The following LANCL1 variants were observed in gnomAD, a reference collection of about 807,000 sequenced individuals.
LANCL1 encodes glutathione S-transferase LANCL1.
A neutral mutation model predicts 50.6 loss-of-function variants in LANCL1; 50 were observed. The observed-to-expected ratio is 0.99, with a 90% CI of 0.79 to 1.25. The LOEUF (loss-of-function observed/expected upper bound fraction) is 1.25. Among genes scored for constraint, LANCL1 ranks in the 50% most tolerant of loss-of-function variants. The probability of loss-of-function intolerance (pLI) is 0.00; values close to 1 mark genes in which losing one functional copy is unlikely to be tolerated. For synonymous variants in LANCL1, 188 were observed against 178.6 expected (o/e 1.05, Z -0.42); for missense variants, 532 against 480.7 (o/e 1.11, Z -1.00).
At chr2:210,458,130 T>G (rs570697330) in intron 3 of LANCL1, among the ~76,000 whole-genome samples, 4 of 152,332 alleles carry the variant, frequency 2.6e-5, no homozygotes, top group Admixed American at 2.6e-4. Flanking sequence ...GGAAGCTCTG[T>G]GCTGAGGGTG....
chr2:210,444,172 C>A (rs1299835463), intron 4 of LANCL1, among the ~76,000 whole-genome samples: 2 of 152,150 alleles, frequency 1.3e-5, no homozygotes, highest in Non-Finnish European at 2.9e-5. Context: ...CTGCCAGTCT[C>A]TGGAGACCAC....
intron 3 of LANCL1, among the ~76,000 whole-genome samples, chr2:210,456,151 G>A (rs893288598): frequency 1.3e-5 from 2 of 152,210 alleles, no homozygotes; most frequent in Non-Finnish European, 2.9e-5. Context: ...TCAAAGATGT[G>A]GAGTAGGAAG....
intron 3 of LANCL1, among the ~76,000 whole-genome samples, chr2:210,462,368 T>G (rs530942820): frequency 6.6e-6 from 1 of 152,318 alleles, no homozygotes; most frequent in East Asian, 1.9e-4. Flanking sequence ...AATGAACAAC[T>G]CAATGCTTAT....
intron 3 of LANCL1, among the ~76,000 whole-genome samples, chr2:210,469,404 C>G (rs1336505221): frequency 6.6e-6 from 1 of 152,134 alleles, no homozygotes; most frequent in Non-Finnish European, 1.5e-5. Context: ...TATCAAAACA[C>G]TGGAGGAGGC....
chr2:210,461,659 T>C (rs1404052695), intron 3 of LANCL1, among the ~76,000 whole-genome samples: 3 of 152,220 alleles, frequency 2.0e-5, no homozygotes, highest in Non-Finnish European at 4.4e-5. Context: ...AGGAAATACA[T>C]GCCAATTTTA....
In LANCL1 at chr2:210,436,280, G is replaced by C; in HGVS notation, c.986C>G (p.Ala329Gly). 6.2e-7 allele frequency: 1 copy of C among 1,613,982 alleles called. No individual in the cohort carries two copies. Among genetic ancestry groups the C allele is most frequent in the Non-Finnish European group, 8.5e-7 (1 of 1,179,952 alleles). The change falls in exon 8 of 10, where the codon GCC becomes GGC. Residue 329 changes from alanine to glycine, a missense_variant. Physicochemically the swap from Ala to Gly is moderately conservative, Grantham distance 60. Coordinates refer to ENST00000450366, the MANE Select transcript of LANCL1 (RefSeq NM_006055.3). ...GTTGTAGAGTGTCAGGAAGGCATAG[G>C]CATTCCCTGCAGAACCGTGGCACAG... ...YGLCHGSAGN[A>G]YAFLTLYNLT...
intron 8 of LANCL1, among the ~76,000 whole-genome samples, chr2:210,435,893 CTTTTTTTTTTTT>C (rs71043994): frequency 3.1e-5 from 2 of 64,264 alleles, no homozygotes; most frequent in Non-Finnish European, 5.3e-5. Context: ...GGGAGACCTG[CTTTTTTTTTTTT>C]TTTTTTTTTT....
chr2:210,444,934 T>TA (rs1230542395), intron 4 of LANCL1, among the ~76,000 whole-genome samples: 1 of 152,104 alleles, frequency 6.6e-6, no homozygotes, highest in Non-Finnish European at 1.5e-5. Flanking sequence ...AAACATTTAT[T>TA]AAGAATTTTT....
intron 6 of LANCL1, among the ~76,000 whole-genome samples, chr2:210,439,099 A>G (rs1329480892): frequency 6.6e-6 from 1 of 152,256 alleles, no homozygotes; most frequent in Non-Finnish European, 1.5e-5. Flanking sequence ...GTGTTACAGT[A>G]GAATGAGTGG....
rs1694370917 is a variant in LANCL1 at position 210,476,335 on chromosome 2, T to A, written c.62A>T (p.Tyr21Phe). Residue 21 changes from tyrosine to phenylalanine, a missense_variant, in exon 2 of 10, where the codon TAC (tyrosine) becomes TTC (phenylalanine). Transcript: ENST00000450366. ...ADYNKSLAEG[Y>F]FDAAGRLTPE... ...ACTCACCCTCCCGGCAGCATCAAAG[T>A]AGCCTTCGGCCAGGGATTTGTTATA... 1.9e-6 allele frequency: 3 copies of A among 1,613,888 alleles called. No individual in the cohort carries two copies. Among genetic ancestry groups the A allele is most frequent in the African/African-American group, 2.7e-5 (2 of 75,058 alleles).
chr2:210,433,263 T>C lies in LANCL1; in HGVS notation c.*1224A>G, dbSNP rs1407101101. 3 of 152,404 alleles carry C rather than the reference T, an allele frequency of 2.0e-5. No individual in the cohort carries two copies. Among genetic ancestry groups the C allele is most frequent in the Non-Finnish European group, 4.4e-5 (3 of 68,042 alleles). 9.4% of individuals were successfully genotyped at this position (152,404 alleles called of 1,614,324 possible). A position where few individuals can be genotyped will look rare whatever the true frequency, so the allele number is the denominator to read the frequency against. ...AATTTGAAGCACCAGAGAGTCTTTATCTACTACGGAAAACCTGATTCTGTG... is the reference window on the plus strand; with the variant it reads ...AATTTGAAGCACCAGAGAGTCTTTACCTACTACGGAAAACCTGATTCTGTG... On this transcript the variant is annotated 3_prime_UTR_variant, in exon 10 of 10. Transcript: ENST00000450366.
At position 210,446,845 on chromosome 2, in the gene LANCL1, C is replaced by T. The variant is rs117383618; in HGVS notation, c.408-5402G>A. Reference sequence around the variant, plus strand: ...AGGAACGAAAGCCTCCAAGAAATAACGGACTATGTGAAAAGATCAAACCTA... The same window carrying T: ...AGGAACGAAAGCCTCCAAGAAATAATGGACTATGTGAAAAGATCAAACCTA... On this transcript the variant is annotated intron_variant, in intron 4 of 9. Transcript: ENST00000450366. 5.1e-4 allele frequency among the ~76,000 whole-genome samples: 78 copies of T among 152,136 alleles called. No individual in the cohort carries two copies. In the East Asian group the frequency reaches 0.013, roughly 26 times the overall value.
intron 3 of LANCL1, among the ~76,000 whole-genome samples, chr2:210,457,306 T>C (rs956086627): frequency 6.6e-6 from 1 of 151,836 alleles, no homozygotes; most frequent in Non-Finnish European, 1.5e-5. Context: ...CTCATCAGTA[T>C]TTTATATAAT....
intron 3 of LANCL1, among the ~76,000 whole-genome samples, chr2:210,464,689 G>A (rs542137357): frequency 1.3e-4 from 19 of 151,966 alleles, no homozygotes; most frequent in South Asian, 4.1e-4. Flanking sequence ...CGTACAGGCC[G>A]GGCGCGGTGG....
rs1218832606 is a variant in LANCL1 at position 210,433,295 on chromosome 2, G to A, written c.*1192C>T. On this transcript the variant is annotated 3_prime_UTR_variant, in exon 10 of 10. Transcript: ENST00000450366. ...CGGAAAACCTGATTCTGTGGTCTCA[G>A]AAACTGATGAATTGTTAAGTCTAGG... is the stretch of plus-strand genomic sequence containing the variant. 6.6e-6 allele frequency: 1 copy of A among 152,240 alleles called. No homozygotes were observed. The highest frequency in any genetic ancestry group is 1.9e-4 in the East Asian group (1 of 5,184). 9.4% of individuals were successfully genotyped at this position (152,240 alleles called of 1,614,324 possible).
At chr2:210,437,411 T>C (rs895147780) in intron 7 of LANCL1, among the ~76,000 whole-genome samples, 3 of 152,180 alleles carry the variant, frequency 2.0e-5, no homozygotes, top group African/African-American at 7.2e-5. Flanking sequence ...TTGGTTTTGG[T>C]TCTTTCGAGT....
At chr2:210,456,840 TC>T (rs1212261380) in intron 3 of LANCL1, among the ~76,000 whole-genome samples, 1 of 152,232 alleles carries the variant, frequency 6.6e-6, no homozygotes, top group Non-Finnish European at 1.5e-5. Flanking sequence ...TGATTGTTTT[TC>T]TTTCAGATCT....
At chr2:210,476,469 C>A in intron 1 of LANCL1, 57 bp from the exon 2 acceptor site, 1 of 1,376,342 alleles carries the variant, frequency 7.3e-7, no homozygotes, top group Non-Finnish European at 9.4e-7. Context: ...GGCCGAGTTG[C>A]GAGGGCGGCG....
intron 3 of LANCL1, chr2:210,460,897 C>T (rs867930023): frequency 3.3e-5 from 5 of 152,156 alleles, no homozygotes; most frequent in Non-Finnish European, 7.4e-5. Context: ...GAAGATGTGT[C>T]TTTTCTTTTC....
Sources: allele counts gnomAD v4.1 joint callset (sites outside exome capture counted in the v4.1 genomes callset), GRCh38; gene constraint gnomAD v4.1.1; transcripts MANE v1.5; gene names NCBI Gene and HGNC (gene_info 2026-07-23, HGNC 2026-07-21).